ESCO1: variants seen among roughly 807,000 people sequenced by gnomAD.
ESCO1 encodes establishment of sister chromatid cohesion N-acetyltransferase 1, also known as N-acetyltransferase ESCO1.
In ESCO1, 33 loss-of-function variants were observed where a neutral mutation model predicts 83.5. The observed-to-expected ratio is 0.40, with a 90% CI of 0.30 to 0.53. The LOEUF is 0.53. ESCO1 is among the 20% of genes least tolerant of loss of function. The pLI is 0.63. For missense variants in ESCO1, 855 were observed against 968.0 expected (o/e 0.88, Z 1.55); for synonymous variants, 332 against 324.3 (o/e 1.02, Z -0.25).
At chr18:21,567,786 G>A (rs2038282609) in intron 5 of ESCO1, among the ~76,000 whole-genome samples, 194 bp downstream of exon 5, 2 of 152,094 alleles carry the variant, frequency 1.3e-5, no homozygotes, top group South Asian at 4.1e-4. Flanking sequence ...GTAGTACTTA[G>A]GTACTTTAAA....
chr18:21,573,845 T>C lies in ESCO1; in HGVS notation c.999A>G (p.Glu333=), dbSNP rs770896594. The change falls in exon 4 of 12, where the codon GAA becomes GAG. Residue 333 remains glutamate, a synonymous_variant. Transcript: ENST00000269214. ...CCAATTTTATTTCTGTGGGCTTTTC[T>C]TCCTTTACACTTTCCATTTGTGAAG... The part of the protein sequence containing the change: ...KESSQMESVK[E]EKPTEIKLEE... The C allele has an allele frequency of 1.9e-6, 3 of 1,613,972 alleles. No individual in the cohort carries two copies. The highest frequency in any genetic ancestry group is 1.1e-5 in the South Asian group (1 of 91,038).
At chr18:21,568,122 C>T (rs1221977031) in intron 4 of ESCO1, 28 bp from the exon 5 acceptor site, 5 of 1,529,724 alleles carry the variant, frequency 3.3e-6, no homozygotes, top group South Asian at 1.2e-5. Flanking sequence ...AAAATTTTTA[C>T]ATCAACTTTG....
Position 21,574,149 on chromosome 18 carries a change from G to T in ESCO1, c.695C>A (p.Thr232Asn), listed in dbSNP as rs2038383480. ...QGSEKCPQKT[T>N]RRDETKPVPV... Reference sequence around the variant, plus strand: ...CACAGGTTTCGTTTCGTCTCTTCTAGTAGTCTTCTGAGGACACTTTTCAGA... The same window carrying T: ...CACAGGTTTCGTTTCGTCTCTTCTATTAGTCTTCTGAGGACACTTTTCAGA... Residue 232 changes from threonine (T) to asparagine (N), a missense_variant, in exon 4 of 12, where the codon ACT becomes AAT. Around this residue, in one of 2 missense-constraint regions of ESCO1, gnomAD observed 726 missense variants for 699.5 expected, o/e 1.04. Coordinates refer to ENST00000269214, the MANE Select transcript of ESCO1 (RefSeq NM_052911.3). 1 of 1,613,678 alleles carries T rather than the reference G, an allele frequency of 6.2e-7. No individual in the cohort carries two copies. Among genetic ancestry groups the T allele is most frequent in the Non-Finnish European group, 8.5e-7 (1 of 1,180,000 alleles).
intron 8 of ESCO1, among the ~76,000 whole-genome samples, chr18:21,559,996 A>G (rs1568100610): frequency 1.3e-5 from 2 of 152,192 alleles, no homozygotes. Context: ...ACGGAGGCCA[A>G]TAAAGACCTT....
At chr18:21,582,346 C>A (rs1015574289) in intron 2 of ESCO1, among the ~76,000 whole-genome samples, 2 of 151,956 alleles carry the variant, frequency 1.3e-5, no homozygotes, top group Non-Finnish European at 2.9e-5. Context: ...TCTCCCGCCT[C>A]AGCCTCCCGA....
intron 7 of ESCO1, among the ~76,000 whole-genome samples, chr18:21,562,687 A>G (rs575097104): frequency 6.6e-6 from 1 of 152,022 alleles, no homozygotes; most frequent in Non-Finnish European, 1.5e-5. Context: ...AACTACATAA[A>G]TGTTCCTAGT....
At chr18:21,567,180 T>C (rs1020128929) in intron 5 of ESCO1, among the ~76,000 whole-genome samples, 1 of 152,194 alleles carries the variant, frequency 6.6e-6, no homozygotes, top group Non-Finnish European at 1.5e-5. Flanking sequence ...TTTTGGTTTT[T>C]GAGACAGATT....
chr18:21,545,442 G>A (rs976600257), intron 8 of ESCO1, among the ~76,000 whole-genome samples: 1 of 151,002 alleles, frequency 6.6e-6, no homozygotes, highest in Admixed American at 6.6e-5. Context: ...GCTTGGTGGC[G>A]GGCACCTGTA....
At chr18:21,585,410 C>A (rs928079546) in intron 1 of ESCO1, among the ~76,000 whole-genome samples, 1 of 152,018 alleles carries the variant, frequency 6.6e-6, no homozygotes, top group Non-Finnish European at 1.5e-5. Flanking sequence ...TCAAGTTGTA[C>A]CAGTATCATT....
At chr18:21,560,739 C>CAT in intron 8 of ESCO1, 120 bp downstream of exon 8, 1 of 1,222,578 alleles carries the variant, frequency 8.2e-7, no homozygotes, top group Non-Finnish European at 1.1e-6. Flanking sequence ...GTGCTTTGTA[C>CAT]ATATTATTAT....
chr18:21,545,704 G>A (rs1261803045), intron 8 of ESCO1, among the ~76,000 whole-genome samples: 1 of 150,670 alleles, frequency 6.6e-6, no homozygotes, highest in African/African-American at 2.4e-5. Flanking sequence ...TGAGGCGGGT[G>A]GATCTCCTGA....
intron 1 of ESCO1, among the ~76,000 whole-genome samples, chr18:21,588,324 C>T (rs1331818164): frequency 6.6e-6 from 1 of 151,828 alleles, no homozygotes; most frequent in East Asian, 1.9e-4. Flanking sequence ...AGAAATAGTA[C>T]TGGGATAACT....
chr18:21,574,801 C>T lies in ESCO1; in HGVS notation c.43G>A (p.Val15Ile). ...TTCTTATCGTCACTTTTTTTAGTAA[C>T]TTTGGAGGAATTCTCTTTTGATTTC... ...QEKSKENSSKVTKKSDDKNSE... is the reference protein window; with the variant it reads ...QEKSKENSSKITKKSDDKNSE... Residue 15 changes from valine to isoleucine, a missense_variant, in exon 4 of 12, where the codon GTT becomes ATT. By Grantham distance (29) the Val-to-Ile change is conservative. Coordinates refer to ENST00000269214, the MANE Select transcript of ESCO1 (RefSeq NM_052911.3). 7.5e-6 allele frequency: 12 copies of T among 1,596,270 alleles called. No individual in the cohort carries two copies. Among genetic ancestry groups the T allele is most frequent in the Admixed American group, 1.7e-5 (1 of 58,380 alleles).
intron 8 of ESCO1, among the ~76,000 whole-genome samples, chr18:21,544,296 T>C (rs961406189): frequency 1.3e-5 from 2 of 148,336 alleles, no homozygotes; most frequent in Non-Finnish European, 3.0e-5. Flanking sequence ...AAAGGAGTAA[T>C]CTTCATCTTT....
intron 7 of ESCO1, among the ~76,000 whole-genome samples, chr18:21,563,905 G>C (rs944338595): frequency 4.7e-5 from 6 of 126,330 alleles, no homozygotes; most frequent in Non-Finnish European, 1.8e-5. Flanking sequence ...CCCTCCTGCT[G>C]GGGTGAGCAG....
intron 1 of ESCO1, among the ~76,000 whole-genome samples, chr18:21,584,922 A>G (rs1297870424): frequency 1.3e-5 from 2 of 152,266 alleles, no homozygotes; most frequent in East Asian, 1.9e-4. Flanking sequence ...AGGCGGGTGG[A>G]TAACGAGGTC....
chr18:21,536,464 G>A (rs562859295), intron 9 of ESCO1, among the ~76,000 whole-genome samples: 9 of 151,966 alleles, frequency 5.9e-5, no homozygotes, highest in South Asian at 2.1e-4. Context: ...CGCAGTGTGC[G>A]CCTGTAATCC....
rs1209731375 is a variant in ESCO1, at chr18:21,574,662, T to G, written c.182A>C (p.Glu61Ala). 7.4e-6 allele frequency: 12 copies of G among 1,613,900 alleles called. No individual in the cohort carries two copies. Among genetic ancestry groups the G allele is most frequent in the Non-Finnish European group, 9.3e-6 (11 of 1,180,004 alleles). Residue 61 changes from glutamate to alanine, a missense_variant, in exon 4 of 12, where the codon GAA becomes GCA. Glu to Ala is a moderately radical substitution (Grantham distance 107). Coordinates refer to ENST00000269214, the MANE Select transcript of ESCO1 (RefSeq NM_052911.3). ...SSSESKINQP[E>A]LETRMSTRSS... ...CCTTGTACTCATGCGTGTTTCCAAT[T>G]CTGGCTGATTTATTTTACTTTCACT...
chr18:21,574,221 A>G lies in ESCO1; in HGVS notation c.623T>C (p.Val208Ala). ...INSPKGKKRK[V>A]EHQTACACSS... ...ACAAGCACAAGCTGTCTGATGTTCTACCTTGCGTTTTTTCCCTTTGGGAGA... is the reference window on the plus strand; with the variant it reads ...ACAAGCACAAGCTGTCTGATGTTCTGCCTTGCGTTTTTTCCCTTTGGGAGA... Residue 208 changes from valine (V) to alanine (A), a missense_variant, in exon 4 of 12, where the codon GTA becomes GCA. By Grantham distance (64) the Val-to-Ala change is moderately conservative. Transcript: ENST00000269214. The G allele has an allele frequency of 6.2e-7, 1 of 1,613,864 alleles. No individual in the cohort carries two copies.
Sources: allele counts gnomAD v4.1 joint callset (sites outside exome capture counted in the v4.1 genomes callset), GRCh38; gene constraint gnomAD v4.1.1; regional missense constraint gnomAD v4.1.1; transcripts MANE v1.5; gene names NCBI Gene and HGNC (gene_info 2026-07-23, HGNC 2026-07-21).